The following GALNTL6 variants were observed in gnomAD, a reference collection of about 807,000 sequenced individuals.
The protein encoded by GALNTL6 is polypeptide N-acetylgalactosaminyltransferase-like 6.
A neutral mutation model predicts 73.7 loss-of-function variants in GALNTL6; 46 were observed. The ratio of observed to expected loss-of-function variants is 0.62; its 90% CI spans 0.49 to 0.80. The LOEUF (loss-of-function observed/expected upper bound fraction) is 0.80. Among genes scored for constraint, GALNTL6 ranks in the 30% least tolerant of loss-of-function variants. The probability of loss-of-function intolerance (pLI) is 0.00; values close to 1 mark genes in which losing one functional copy is unlikely to be tolerated. For synonymous variants in GALNTL6, 259 were observed against 263.7 expected (o/e 0.98, Z 0.17); for missense variants, 604 against 755.0 (o/e 0.80, Z 2.34).
rs182828681 is a variant in GALNTL6 at position 172,483,368 on chromosome 4, G to T, written c.553+134679G>T. Among the ~76,000 whole-genome samples, 119 of 152,178 alleles carry T rather than the reference G, an allele frequency of 7.8e-4. 2 individuals carry two copies. The South Asian group carries it at 0.016, about 21-fold the overall frequency. ...GAACATTGTGAAGGGAGTGCAGAGG[G>T]GTGAAAATCGGCAGTAGAAGAGTAA... is the stretch of plus-strand genomic sequence containing the variant. On this transcript the variant is annotated intron_variant, in intron 5 of 12. Transcript: ENST00000506823.
intron 5 of GALNTL6, among the ~76,000 whole-genome samples, chr4:172,738,311 C>T (rs1218838800): frequency 6.6e-6 from 1 of 152,172 alleles, no homozygotes; most frequent in Non-Finnish European, 1.5e-5. Context: ...AGTTTTTCCA[C>T]TTCTCCGCAT....
intron 7 of GALNTL6, among the ~76,000 whole-genome samples, chr4:172,829,877 A>T (rs1455947455): frequency 1.3e-5 from 2 of 152,248 alleles, no homozygotes. Context: ...AAAGTCTGAG[A>T]AACGAAATCA....
chr4:172,794,380 G>A (rs1740153794), intron 5 of GALNTL6, among the ~76,000 whole-genome samples: 1 of 152,290 alleles, frequency 6.6e-6, no homozygotes, highest in East Asian at 1.9e-4. Context: ...TGTAGGCAAT[G>A]CTAGTTTGTT....
At chr4:172,395,283 A>G (rs941733949) in intron 5 of GALNTL6, among the ~76,000 whole-genome samples, 7 of 152,272 alleles carry the variant, frequency 4.6e-5, no homozygotes, top group Non-Finnish European at 8.8e-5. Context: ...AAAAAAAATC[A>G]TTACTTTTGT....
chr4:172,546,530 A>G (rs1034846075), intron 5 of GALNTL6, among the ~76,000 whole-genome samples: 6 of 151,548 alleles, frequency 4.0e-5, no homozygotes, highest in Non-Finnish European at 8.8e-5. Flanking sequence ...TGCAAAAATC[A>G]CTGGGACTTA....
chr4:172,057,206 G>A (rs1241130181), intron 2 of GALNTL6, among the ~76,000 whole-genome samples: 3 of 151,926 alleles, frequency 2.0e-5, no homozygotes, highest in Admixed American at 1.3e-4. Flanking sequence ...CCAGCAGTTC[G>A]AGATCAACCT....
intron 2 of GALNTL6, among the ~76,000 whole-genome samples, chr4:172,050,566 T>A (rs544734113): frequency 6.9e-4 from 105 of 152,174 alleles, no homozygotes; most frequent in Middle Eastern, 3.4e-3. Flanking sequence ...GTGGTCAGAG[T>A]TTAGTCCTTA....
chr4:171,854,791 G>C (rs571683461), intron 2 of GALNTL6, among the ~76,000 whole-genome samples: 1 of 152,202 alleles, frequency 6.6e-6, no homozygotes, highest in East Asian at 1.9e-4. Flanking sequence ...TTTTATAAGG[G>C]ATTTAATCCC....
intron 2 of GALNTL6, among the ~76,000 whole-genome samples, chr4:172,110,464 TAGTC>T (rs1316584617): frequency 1.3e-5 from 2 of 152,210 alleles, no homozygotes; most frequent in African/African-American, 4.8e-5. Context: ...AATATTTAGT[TAGTC>T]AGTAGCATAT....
At chr4:172,470,685 G>GA (rs2111462348) in intron 5 of GALNTL6, among the ~76,000 whole-genome samples, 1 of 152,044 alleles carries the variant, frequency 6.6e-6, no homozygotes, top group Non-Finnish European at 1.5e-5. Flanking sequence ...TTAAAAAAAG[G>GA]AAAAAAAGGT....
intron 2 of GALNTL6, among the ~76,000 whole-genome samples, chr4:172,123,366 G>A (rs1188437594): frequency 6.6e-6 from 1 of 151,942 alleles, no homozygotes; most frequent in African/African-American, 2.4e-5. Context: ...AAAAGTAAAT[G>A]TTTCCACCTT....
At chr4:173,014,046 CAA>C (rs11388681) in intron 11 of GALNTL6, among the ~76,000 whole-genome samples, 1 of 144,262 alleles carries the variant, frequency 6.9e-6, no homozygotes. Context: ...CGTTTTTTTC[CAA>C]AAAAAAAAGT....
At chr4:172,182,083 G>A (rs1215729437) in intron 2 of GALNTL6, among the ~76,000 whole-genome samples, 4 of 152,086 alleles carry the variant, frequency 2.6e-5, no homozygotes, top group Non-Finnish European at 5.9e-5. Context: ...AAATCAATGT[G>A]CAAAAATCAC....
chr4:172,803,065 G>C (rs1740746210), intron 5 of GALNTL6, among the ~76,000 whole-genome samples: 1 of 152,186 alleles, frequency 6.6e-6, no homozygotes. Context: ...CCTGGTTACA[G>C]ATTGTACCCA....
intron 5 of GALNTL6, among the ~76,000 whole-genome samples, chr4:172,381,788 T>C (rs1323970241): frequency 2.0e-5 from 3 of 152,180 alleles, no homozygotes; most frequent in Admixed American, 6.5e-5. Context: ...CACTTGAGTG[T>C]ATACTTAGGA....
intron 5 of GALNTL6, among the ~76,000 whole-genome samples, chr4:172,467,852 TTC>T (rs1732886640): frequency 6.7e-6 from 1 of 150,144 alleles, no homozygotes. Context: ...CTTTCTTTCT[TTC>T]TTTCTTTCTT....
intron 2 of GALNTL6, among the ~76,000 whole-genome samples, chr4:172,071,990 A>G (rs1656458808): frequency 6.6e-6 from 1 of 152,174 alleles, no homozygotes; most frequent in Non-Finnish European, 1.5e-5. Flanking sequence ...CTTGGCTTCC[A>G]AGATGGTTAC....
rs568884735 is a variant in GALNTL6, at chr4:172,726,297, T to C, written c.554-83064T>C. Among the ~76,000 whole-genome samples, 34 of 152,334 alleles carry C rather than the reference T, an allele frequency of 2.2e-4. 1 individual carries two copies. The South Asian group carries it at 5.6e-3, about 25-fold the overall frequency. ...TTCCGAGGCCTAAAGCAAACATCAT[T>C]TGCAGGTAATAAACTTCTGCCGACC... On this transcript the variant is annotated intron_variant, in intron 5 of 12. Transcript: ENST00000506823.
intron 5 of GALNTL6, among the ~76,000 whole-genome samples, chr4:172,804,430 G>A (rs1226068855): frequency 2.6e-5 from 4 of 152,170 alleles, no homozygotes; most frequent in Non-Finnish European, 4.4e-5. Flanking sequence ...CTCACCATAG[G>A]TATGTACTTA....
Sources: gnomAD v4.1 joint callset for allele counts (sites outside exome capture counted in the v4.1 genomes callset) on GRCh38, gnomAD v4.1.1 for gene constraint, MANE v1.5 for transcripts, NCBI Gene and HGNC (gene_info 2026-07-23, HGNC 2026-07-21) for gene names.